CNTN6: variants seen among roughly 807,000 people sequenced by gnomAD.
The protein encoded by CNTN6 is contactin-6.
A neutral mutation model predicts 122.8 loss-of-function variants in CNTN6; 137 were observed. That is an observed-to-expected ratio of 1.12 (90% CI 0.97 to 1.29). The LOEUF (loss-of-function observed/expected upper bound fraction) is 1.29. Ranked by LOEUF, CNTN6 falls within the 50% of genes most tolerant of loss-of-function variation. The probability of loss-of-function intolerance (pLI) is 0.00; values close to 1 mark genes in which losing one functional copy is unlikely to be tolerated. For synonymous variants in CNTN6, 570 were observed against 426.0 expected (o/e 1.34, Z -4.16); for missense variants, 1,634 against 1,223.4 (o/e 1.34, Z -5.01).
chr3:1,331,517 C>G (rs1002469711), intron 11 of CNTN6, among the ~76,000 whole-genome samples: 1 of 151,892 alleles, frequency 6.6e-6, no homozygotes, highest in Non-Finnish European at 1.5e-5. Flanking sequence ...TGTGCATTGC[C>G]TAGGAGATTT....
chr3:1,253,144 C>G (rs1313771849), intron 4 of CNTN6, among the ~76,000 whole-genome samples: 1 of 152,140 alleles, frequency 6.6e-6, no homozygotes, highest in Non-Finnish European at 1.5e-5. Context: ...ATTCCAGACT[C>G]CTGTCTTAGT....
chr3:1,301,060 G>A (rs1194553179), intron 7 of CNTN6, among the ~76,000 whole-genome samples: 3 of 102,504 alleles, frequency 2.9e-5, no homozygotes, highest in African/African-American at 1.1e-4. Flanking sequence ...TTTTTGAGAC[G>A]GAGTCTAACT....
chr3:1,106,214 A>G (rs1224698449), intron 1 of CNTN6, among the ~76,000 whole-genome samples: 1 of 152,166 alleles, frequency 6.6e-6, no homozygotes, highest in Non-Finnish European at 1.5e-5. Flanking sequence ...TGTTACAGAC[A>G]GGTAAAGTAT....
At chr3:1,359,764 G>A (rs1237505186) in intron 12 of CNTN6, among the ~76,000 whole-genome samples, 1 of 151,974 alleles carries the variant, frequency 6.6e-6, no homozygotes, top group Non-Finnish European at 1.5e-5. Context: ...TTTATTTCTG[G>A]CTTGCTACAC....
chr3:1,245,662 C>A (rs1271684586), intron 4 of CNTN6, among the ~76,000 whole-genome samples: 1 of 151,384 alleles, frequency 6.6e-6, no homozygotes, highest in African/African-American at 2.4e-5. Context: ...CAAACACCAC[C>A]TGTTTCCCAA....
chr3:1,245,293 A>AT lies in CNTN6; in HGVS notation c.358+17300_358+17301insT, dbSNP rs1183583406. Among the ~76,000 whole-genome samples, 17 of 3,164 alleles carry AT rather than the reference A, an allele frequency of 5.4e-3. 1 individual carries two copies. The highest frequency in any genetic ancestry group is 9.2e-3 in the Non-Finnish European group (14 of 1,528). 2.1% of individuals were successfully genotyped at this position (3,164 alleles called of 152,430 possible). A position where few individuals can be genotyped will look rare whatever the true frequency, so the allele number is the denominator to read the frequency against. On this transcript the variant is annotated intron_variant, in intron 4 of 22. Transcript: ENST00000446702. ...TATATATACACACACATATATATAT[A>AT]ACATATATATATATATATATATATA...
At chr3:1,258,292 T>C (rs1386769185) in intron 4 of CNTN6, among the ~76,000 whole-genome samples, 7 of 152,122 alleles carry the variant, frequency 4.6e-5, no homozygotes, top group Non-Finnish European at 8.8e-5. Context: ...TCCAATAAAT[T>C]ATTGAATGCA....
chr3:1,094,372 G>A (rs1392510946), intron 1 of CNTN6, among the ~76,000 whole-genome samples: 1 of 151,894 alleles, frequency 6.6e-6, no homozygotes, highest in African/African-American at 2.4e-5. Context: ...AAATACAGAA[G>A]CATTTCATCT....
At chr3:1,253,415 A>G (rs1326305525) in intron 4 of CNTN6, among the ~76,000 whole-genome samples, 3 of 152,134 alleles carry the variant, frequency 2.0e-5, no homozygotes, top group Non-Finnish European at 2.9e-5. Context: ...TATAATTATT[A>G]TATGTTGATA....
intron 2 of CNTN6, among the ~76,000 whole-genome samples, chr3:1,149,905 C>T (rs1037972315): frequency 1.3e-5 from 2 of 152,098 alleles, no homozygotes; most frequent in Non-Finnish European, 1.5e-5. Context: ...TCTCAGAACA[C>T]GTATCAAATC....
At chr3:1,192,399 G>A (rs1424000807) in intron 2 of CNTN6, among the ~76,000 whole-genome samples, 1 of 152,056 alleles carries the variant, frequency 6.6e-6, no homozygotes, top group African/African-American at 2.4e-5. Context: ...TTCTGGCCAG[G>A]AAGCTATTTC....
intron 16 of CNTN6, among the ~76,000 whole-genome samples, chr3:1,376,562 A>T (rs1709896374): frequency 6.6e-6 from 1 of 152,156 alleles, no homozygotes; most frequent in Non-Finnish European, 1.5e-5. Context: ...ATTTAATTTT[A>T]ACTGGTAAAA....
chr3:1,102,612 C>T (rs983280451), intron 1 of CNTN6, among the ~76,000 whole-genome samples: 1 of 149,702 alleles, frequency 6.7e-6, no homozygotes, highest in African/African-American at 2.4e-5. Flanking sequence ...CCTGTAGTCC[C>T]AGCTACTCGG....
intron 12 of CNTN6, among the ~76,000 whole-genome samples, chr3:1,364,478 A>G (rs1282774298): frequency 6.6e-6 from 1 of 151,752 alleles, no homozygotes; most frequent in African/African-American, 2.4e-5. Flanking sequence ...GAAAAGTGAC[A>G]TTGATAAGGG....
At chr3:1,276,970 G>T (rs183181532) in intron 4 of CNTN6, among the ~76,000 whole-genome samples, 161 of 152,226 alleles carry the variant, frequency 1.1e-3, no homozygotes, top group African/African-American at 3.7e-3. Flanking sequence ...TGGGTGTGGT[G>T]GTAGGTGGAT....
intron 12 of CNTN6, among the ~76,000 whole-genome samples, chr3:1,360,331 G>A (rs1386343431): frequency 6.6e-6 from 1 of 151,976 alleles, no homozygotes; most frequent in African/African-American, 2.4e-5. Flanking sequence ...AAGATAATGT[G>A]TCATGTTTTA....
rs917439727 is a variant in CNTN6 at position 1,287,813 on chromosome 3, A to G, written c.455-7788A>G. Among the ~76,000 whole-genome samples the G allele has an allele frequency of 3.9e-5, 6 of 152,294 alleles. No individual in the cohort carries two copies. The South Asian group carries it at 1.2e-3, about 32-fold the overall frequency. ...TGGCAACTTCTAGAAGCTACCCAAT[A>G]TGGTCTAAAAGTGTGAGGAACCTTC... On this transcript the variant is annotated intron_variant, in intron 5 of 22. Coordinates refer to ENST00000446702, the MANE Select transcript of CNTN6 (RefSeq NM_001289080.2).
intron 8 of CNTN6, among the ~76,000 whole-genome samples, chr3:1,325,437 T>A (rs1213043944): frequency 6.6e-6 from 1 of 151,894 alleles, no homozygotes; most frequent in African/African-American, 2.4e-5. Flanking sequence ...ATCAGTGAAC[T>A]TTCAGATTTA....
intron 4 of CNTN6, among the ~76,000 whole-genome samples, chr3:1,236,009 A>T (rs1441594671): frequency 6.6e-6 from 1 of 151,810 alleles, no homozygotes; most frequent in Non-Finnish European, 1.5e-5. Context: ...TGGGAATATA[A>T]CTCCATCGGA....
Sources: allele counts gnomAD v4.1 joint callset (sites outside exome capture counted in the v4.1 genomes callset), GRCh38; gene constraint gnomAD v4.1.1; transcripts MANE v1.5; gene names NCBI Gene and HGNC (gene_info 2026-07-23, HGNC 2026-07-21).